STX1A: variants seen among roughly 807,000 people sequenced by gnomAD.
The protein encoded by STX1A is syntaxin-1A.
STX1A carries 4 observed loss-of-function variants against 37.8 expected under a neutral mutation model. The observed-to-expected ratio is 0.11, with a 90% confidence interval of 0.05 to 0.24. The LOEUF (loss-of-function observed/expected upper bound fraction) is 0.24. Among genes scored for constraint, STX1A ranks in the 10% least tolerant of loss-of-function variants. The pLI, the probability that STX1A is intolerant of heterozygous loss-of-function variation, is 1.00. For missense variants in STX1A, 251 were observed against 399.9 expected, an observed-to-expected ratio of 0.63 and a Z score of 3.18; for synonymous variants, 135 against 147.4, an observed-to-expected ratio of 0.92 and a Z score of 0.61.
Position 73,708,740 on chromosome 7 carries a change from C to T in STX1A, c.109-52G>A, listed in dbSNP as rs782293855. The T allele has an allele frequency of 3.8e-6, 6 of 1,580,952 alleles. No homozygotes were observed. The Admixed American group carries it at 1.1e-4, about 28-fold the overall frequency. ...AGAAGGAAATCAGGGGAGAAGCCTT[C>T]TGGGGCCCAGAGATGGCCCAGAGTA... On this transcript the variant is annotated intron_variant, in intron 2 of 9. Coordinates refer to ENST00000222812, the MANE Select transcript of STX1A (RefSeq NM_004603.4).
Position 73,700,228 on chromosome 7 carries a change from T to A in STX1A, c.*179A>T. ...CCGTACAGACGCACACTCACAGAGA[T>A]CATGCACACGACACGGGGCGGGGAC... On this transcript the variant is annotated 3_prime_UTR_variant, in exon 10 of 10. Transcript: ENST00000222812. This position sits in a 1 kb window ranked among gnomAD's most constrained non-coding sequence, Gnocchi z 4.4. 1.6e-6 allele frequency: 1 copy of A among 643,572 alleles called. No individual in the cohort carries two copies. Among genetic ancestry groups the A allele is most frequent in the Non-Finnish European group, 2.8e-6 (1 of 361,952 alleles). The allele number at this position is 643,572 out of a possible 1,614,324, so 39.9% of individuals were successfully genotyped here.
At chr7:73,708,779 G>T in intron 2 of STX1A, 91 bp from the exon 3 acceptor site, 1 of 1,392,012 alleles carries the variant, frequency 7.2e-7, no homozygotes, top group South Asian at 1.2e-5. Flanking sequence ...CTGCGGTCAG[G>T]GCTCAGGGGG....
intron 1 of STX1A, among the ~76,000 whole-genome samples, chr7:73,714,623 C>T (rs1554618455): frequency 6.6e-6 from 1 of 151,926 alleles, no homozygotes; most frequent in Non-Finnish European, 1.5e-5. Context: ...TGGTCTCAAA[C>T]TCCTGAGCTC....
intron 1 of STX1A, among the ~76,000 whole-genome samples, chr7:73,716,309 G>C (rs1554618692): frequency 6.6e-6 from 1 of 152,246 alleles, no homozygotes; most frequent in East Asian, 1.9e-4. Flanking sequence ...AATGAGCAGA[G>C]GGAGATTAAG....
chr7:73,704,619 C>T, intron 4 of STX1A, 196 bp from the exon 5 acceptor site: 1 of 661,604 alleles, frequency 1.5e-6, no homozygotes, highest in Non-Finnish European at 2.6e-6. Context: ...GTGGTGTGTG[C>T]ATGTGTGTAA....
chr7:73,715,111 T>G (rs1247547837), intron 1 of STX1A, among the ~76,000 whole-genome samples: 1 of 142,346 alleles, frequency 7.0e-6, no homozygotes, highest in African/African-American at 2.6e-5. Context: ...GATGACAGAA[T>G]GAGACTCCGT....
chr7:73,714,775 TA>T (rs797025662), intron 1 of STX1A, among the ~76,000 whole-genome samples: 15 of 145,468 alleles, frequency 1.0e-4, no homozygotes, highest in East Asian at 2.0e-4. Flanking sequence ...TTGGGGGGGT[TA>T]AAAAAAAAAA....
In STX1A at chr7:73,700,123, A is replaced by ACCCTGG; in HGVS notation, c.*278_*283dup. On this transcript the variant is annotated 3_prime_UTR_variant, in exon 10 of 10. Transcript: ENST00000222812. This position sits in a 1 kb window ranked among gnomAD's most constrained non-coding sequence, Gnocchi z 4.4. ...AAGGCAAGGAAGGGTGGCCTGTGTC[A>ACCCTGG]CCCTGGCGGCCCTGCCTGGGTCTGC... The ACCCTGG allele has an allele frequency of 2.0e-6, 1 of 503,476 alleles. No homozygotes were observed. Among genetic ancestry groups the ACCCTGG allele is most frequent in the African/African-American group, 1.9e-5 (1 of 51,826 alleles). 31.2% of individuals were successfully genotyped at this position (503,476 alleles called of 1,614,324 possible).
Position 73,702,649 on chromosome 7 carries a change from T to C in STX1A, c.678+196A>G. On this transcript the variant is annotated intron_variant, in intron 8 of 9. Transcript: ENST00000222812. This position sits in a 1 kb window ranked among gnomAD's most constrained non-coding sequence, Gnocchi z 4.7. ...ATGCAGGGCCTGGGGTCCTTGAAGC[T>C]CAAGCAGAGCCATGCAGAGGACAGG... is the stretch of plus-strand genomic sequence containing the variant. 1 of 1,440,168 alleles carries C rather than the reference T, an allele frequency of 6.9e-7. No homozygotes were observed. The highest frequency in any genetic ancestry group is 9.1e-7 in the Non-Finnish European group (1 of 1,094,824). The allele number at this position is 1,440,168 out of a possible 1,614,324, so 89.2% of individuals were successfully genotyped here. A position where few individuals can be genotyped will look rare whatever the true frequency, so the allele number is the denominator to read the frequency against.
intron 7 of STX1A, 36 bp from the exon 8 acceptor site, chr7:73,703,018 TTGCTGA>T: frequency 6.5e-7 from 1 of 1,542,812 alleles, no homozygotes; most frequent in Non-Finnish European, 8.7e-7. Context: ...ACCCAGAGGC[TTGCTGA>T]GGGGCAGGGC....
chr7:73,706,707 C>T lies in STX1A; in HGVS notation c.209-1483G>A, dbSNP rs1447539102. Among the ~76,000 whole-genome samples the T allele has an allele frequency of 6.6e-6, 1 of 152,156 alleles. No homozygotes were observed. The highest frequency in any genetic ancestry group is 1.5e-5 in the Non-Finnish European group (1 of 68,022). Reference sequence around the variant, plus strand: ...TGCCAGCAGTGAGAGACCCACTCCCCTGCTCTTTAGAGCCCTCCGTCCCCA... The same window carrying T: ...TGCCAGCAGTGAGAGACCCACTCCCTTGCTCTTTAGAGCCCTCCGTCCCCA... On this transcript the variant is annotated intron_variant, in intron 3 of 9. Transcript: ENST00000222812. This position sits in a 1 kb window ranked among gnomAD's most constrained non-coding sequence, Gnocchi z 4.6.
rs1175245400 is a variant in STX1A, at chr7:73,700,240, CACGGGGCGGGG to C, written c.*156_*166del. On this transcript the variant is annotated 3_prime_UTR_variant, in exon 10 of 10. Coordinates refer to ENST00000222812, the MANE Select transcript of STX1A (RefSeq NM_004603.4). The surrounding 1 kb of genome is among the most constrained non-coding windows in gnomAD (Gnocchi z 4.4). Reference sequence around the variant, plus strand: ...ACACTCACAGAGATCATGCACACGACACGGGGCGGGGACGGAGGGCCCATGGCAGAGAAGGG... The same window carrying C: ...ACACTCACAGAGATCATGCACACGACACGGAGGGCCCATGGCAGAGAAGGG... The C allele has an allele frequency of 4.5e-6, 3 of 661,328 alleles. No homozygotes were observed. The highest frequency in any genetic ancestry group is 8.0e-6 in the Non-Finnish European group (3 of 374,280). The allele number at this position is 661,328 out of a possible 1,614,324, so 41.0% of individuals were successfully genotyped here.
intron 4 of STX1A, chr7:73,704,790 G>A (rs1554616582): frequency 1.8e-5 from 9 of 505,788 alleles, no homozygotes; most frequent in South Asian, 1.3e-4. Context: ...ATGTGGCCCC[G>A]AGGCCTTGGC....
At chr7:73,719,278 G>T (rs1050536380) in intron 1 of STX1A, among the ~76,000 whole-genome samples, 1 of 152,110 alleles carries the variant, frequency 6.6e-6, no homozygotes, top group Admixed American at 6.5e-5. Flanking sequence ...TGCGGGAGGG[G>T]GAAGAGGTCC....
intron 1 of STX1A, 78 bp downstream of exon 1, chr7:73,719,524 G>A (rs1799420450): frequency 1.7e-6 from 2 of 1,174,712 alleles, no homozygotes; most frequent in South Asian, 8.5e-5. Context: ...TCCTGGCCGC[G>A]GGAGCCGGGC....
At chr7:73,710,550 C>T (rs1354084602) in intron 1 of STX1A, among the ~76,000 whole-genome samples, 8 of 152,142 alleles carry the variant, frequency 5.3e-5, no homozygotes, top group Admixed American at 2.6e-4. Context: ...CTCAGCCTCC[C>T]GAGTAGCTGG....
rs1799001400 is a variant in STX1A at position 73,709,192 on chromosome 7, G to T, written c.31-70C>A. ...CACCTGTACACACGCAGGTGCCCAG[G>T]GTACAGCGCCAGGGCCCTGCCCCTC... On this transcript the variant is annotated intron_variant, in intron 1 of 9. Transcript: ENST00000222812. This position sits in a 1 kb window ranked among gnomAD's most constrained non-coding sequence, Gnocchi z 4.2. 4 of 1,524,770 alleles carry T rather than the reference G, an allele frequency of 2.6e-6. No individual in the cohort carries two copies. The highest frequency in any genetic ancestry group is 3.6e-6 in the Non-Finnish European group (4 of 1,111,742). The allele number at this position is 1,524,770 out of a possible 1,614,324, so 94.5% of individuals were successfully genotyped here. A position where few individuals can be genotyped will look rare whatever the true frequency, so the allele number is the denominator to read the frequency against.
At chr7:73,703,967 G>A in intron 6 of STX1A, 139 bp from the exon 7 acceptor site, 2 of 314,812 alleles carry the variant, frequency 6.4e-6, no homozygotes, top group South Asian at 7.3e-5. Context: ...CGCCCCCCCG[G>A]CCCTTAACAC....
chr7:73,702,573 A>G lies in STX1A; in HGVS notation c.678+272T>C. ...ATGCGTGGCCCACAGTGGCCCCATGAGGAAACAGTAGTAGGGGAATGAGAG... is the reference window on the plus strand; with the variant it reads ...ATGCGTGGCCCACAGTGGCCCCATGGGGAAACAGTAGTAGGGGAATGAGAG... On this transcript the variant is annotated intron_variant, in intron 8 of 9. Coordinates refer to ENST00000222812, the MANE Select transcript of STX1A (RefSeq NM_004603.4). The surrounding 1 kb of genome is among the most constrained non-coding windows in gnomAD (Gnocchi z 4.7). The G allele has an allele frequency of 1.0e-6, 1 of 981,554 alleles. No homozygotes were observed. The highest frequency in any genetic ancestry group is 2.7e-5 in the East Asian group (1 of 36,712). The allele number at this position is 981,554 out of a possible 1,614,324, so 60.8% of individuals were successfully genotyped here.
Sources: gnomAD v4.1 joint callset for allele counts (sites outside exome capture counted in the v4.1 genomes callset) on GRCh38, gnomAD v4.1.1 for gene constraint, Gnocchi (gnomAD v3.1) non-coding constraint, MANE v1.5 for transcripts, NCBI Gene and HGNC (gene_info 2026-07-23, HGNC 2026-07-21) for gene names.